Variants in ZNF248 observed in about 807,000 individuals in gnomAD.
ZNF248 encodes KRAB protein domain.
Under a neutral mutation model 44.3 loss-of-function variants are expected in ZNF248, and 20 were observed. The ratio of observed to expected loss-of-function variants is 0.45; its 90% confidence interval spans 0.32 to 0.66. The LOEUF (loss-of-function observed/expected upper bound fraction) is 0.66, where lower values mean the gene tolerates loss of function less well. Ranked by LOEUF, ZNF248 falls within the 30% of genes least tolerant of loss-of-function variation. The probability of loss-of-function intolerance (pLI) is 0.04; values close to 1 mark genes in which losing one functional copy is unlikely to be tolerated. For missense variants in ZNF248, 654 were observed against 677.0 expected (o/e 0.97, Z 0.38); for synonymous variants, 224 against 229.0 (o/e 0.98, Z 0.20).
chr10:37,837,474 G>A, intron 5 of ZNF248, 143 bp downstream of exon 5: 1 of 661,366 alleles, frequency 1.5e-6, no homozygotes, highest in Middle Eastern at 4.2e-4. Flanking sequence ...CAGGGATGTG[G>A]GCCAATTGTT....
chr10:37,760,200 A>T, the ZNF248 span, among the ~76,000 whole-genome samples: 1 of 152,202 alleles, frequency 6.6e-6, no homozygotes. Flanking sequence ...GGGGGGAATA[A>T]CTTCAAGAAA....
At chr10:37,806,404 C>T (rs1254957797) in intron 6 of ZNF248, among the ~76,000 whole-genome samples, 1 of 151,882 alleles carries the variant, frequency 6.6e-6, no homozygotes. Context: ...TTTCTTTCTC[C>T]CTCCCTTCCT....
intron 6 of ZNF248, chr10:37,820,860 TTTC>T (rs1413557864): frequency 2.4e-6 from 3 of 1,255,760 alleles, no homozygotes; most frequent in Non-Finnish European, 3.5e-6. Context: ...CATGTATTTA[TTTC>T]TTCTTGCATA....
intron 6 of ZNF248, among the ~76,000 whole-genome samples, chr10:37,791,132 C>G (rs2048503302): frequency 7.9e-6 from 1 of 126,500 alleles, no homozygotes; most frequent in Non-Finnish European, 1.6e-5. Flanking sequence ...GAACCTGCTT[C>G]CCGGGTTCAC....
intron 3 of ZNF248, among the ~76,000 whole-genome samples, chr10:37,840,558 A>G (rs1397140154): frequency 6.6e-6 from 1 of 152,178 alleles, no homozygotes; most frequent in East Asian, 1.9e-4. Context: ...TTGATTCACA[A>G]TTGGTGGGAG....
intron 6 of ZNF248, among the ~76,000 whole-genome samples, chr10:37,781,017 C>T (rs2047249664): frequency 6.6e-6 from 1 of 152,072 alleles, no homozygotes; most frequent in Admixed American, 6.5e-5. Context: ...ACGTGAACTG[C>T]GGGGATATGA....
intron 6 of ZNF248, among the ~76,000 whole-genome samples, chr10:37,809,208 A>C (rs11492508): frequency 1.3e-5 from 2 of 151,892 alleles, no homozygotes; most frequent in Non-Finnish European, 2.9e-5. Flanking sequence ...TTGTTTTTCT[A>C]TTCTTTGTTA....
At chr10:37,816,005 A>AAAGAG (rs761575236) in intron 6 of ZNF248, among the ~76,000 whole-genome samples, 288 of 149,328 alleles carry the variant, frequency 1.9e-3, no homozygotes, top group Non-Finnish European at 3.3e-3. Flanking sequence ...AAAAAAAAAA[A>AAAGAG]AGAGAGAGAG....
At chr10:37,782,716 G>T (rs2047451540) in intron 6 of ZNF248, among the ~76,000 whole-genome samples, 1 of 152,102 alleles carries the variant, frequency 6.6e-6, no homozygotes, top group South Asian at 2.1e-4. Flanking sequence ...AGAGATTGGA[G>T]TGATGTGTCT....
At chr10:37,823,643 G>A (rs1021928708) in intron 6 of ZNF248, among the ~76,000 whole-genome samples, 4 of 151,928 alleles carry the variant, frequency 2.6e-5, no homozygotes, top group East Asian at 2.0e-4. Flanking sequence ...GCACGATCTC[G>A]GCTCACTGCA....
At chr10:37,806,983 A>ATTTT (rs80158974) in intron 6 of ZNF248, among the ~76,000 whole-genome samples, 1 of 149,362 alleles carries the variant, frequency 6.7e-6, no homozygotes. Context: ...TTTTCCCAGC[A>ATTTT]TTTTTTTTTT....
At chr10:37,811,541 T>C (rs1387584486) in intron 6 of ZNF248, among the ~76,000 whole-genome samples, 2 of 151,964 alleles carry the variant, frequency 1.3e-5, no homozygotes, top group African/African-American at 2.4e-5. Context: ...TGTTTGGCTT[T>C]AGAAATTTCT....
chr10:37,851,149 C>T (rs1025890930), intron 3 of ZNF248, among the ~76,000 whole-genome samples: 1 of 151,934 alleles, frequency 6.6e-6, no homozygotes, highest in Non-Finnish European at 1.5e-5. Flanking sequence ...AATATGCCAC[C>T]CCAAAATATG....
intron 6 of ZNF248, chr10:37,819,532 C>T: frequency 4.9e-6 from 5 of 1,025,024 alleles, no homozygotes; most frequent in South Asian, 1.3e-5. Flanking sequence ...GATGTAACAA[C>T]AAATATCTGT....
intron 6 of ZNF248, among the ~76,000 whole-genome samples, chr10:37,779,069 A>G (rs1027916772): frequency 3.9e-5 from 6 of 152,168 alleles, no homozygotes; most frequent in South Asian, 2.1e-4. Context: ...ATTCACAGCC[A>G]AATTCTACCA....
chr10:37,810,663 A>G (rs2051344081), intron 6 of ZNF248, among the ~76,000 whole-genome samples: 1 of 152,220 alleles, frequency 6.6e-6, no homozygotes, highest in African/African-American at 2.4e-5. Flanking sequence ...AATGTATAAA[A>G]TATCTGAAGA....
At chr10:37,849,315 A>G (rs1368473005) in intron 3 of ZNF248, among the ~76,000 whole-genome samples, 1 of 152,138 alleles carries the variant, frequency 6.6e-6, no homozygotes, top group African/African-American at 2.4e-5. Flanking sequence ...TAAAGAAAAA[A>G]AAAAAAGGAA....
intron 6 of ZNF248, among the ~76,000 whole-genome samples, chr10:37,780,811 C>A (rs1018236653): frequency 1.3e-5 from 2 of 152,164 alleles, no homozygotes; most frequent in Admixed American, 6.5e-5. Context: ...CTGGTCCTAG[C>A]CCAAACCTCC....
At chr10:37,796,809 T>G (rs1369641454) in intron 6 of ZNF248, among the ~76,000 whole-genome samples, 1 of 152,050 alleles carries the variant, frequency 6.6e-6, no homozygotes, top group Non-Finnish European at 1.5e-5. Flanking sequence ...CAGAAAAATA[T>G]CTCTCCCTCA....
Sources: gnomAD v4.1 joint callset for allele counts (sites outside exome capture counted in the v4.1 genomes callset) on GRCh38, gnomAD v4.1.1 for gene constraint, MANE v1.5 for transcripts, NCBI Gene and HGNC (gene_info 2026-07-23, HGNC 2026-07-21) for gene names.